Variants in CCDC174 observed in about 807,000 individuals in gnomAD.
CCDC174 encodes the protein coiled-coil domain containing 174.
A neutral mutation model predicts 57.1 loss-of-function variants in CCDC174; 37 were observed. The observed-to-expected ratio is 0.65, with a 90% CI of 0.50 to 0.85. The LOEUF (loss-of-function observed/expected upper bound fraction) is 0.85. CCDC174 is among the 40% of genes least tolerant of loss of function. CCDC174 has a pLI of 0.00. For synonymous variants in CCDC174, 182 were observed against 190.2 expected, an observed-to-expected ratio of 0.96 and a Z score of 0.35; for missense variants, 540 against 574.3, an observed-to-expected ratio of 0.94 and a Z score of 0.61.
At chr3:14,662,708 G>A (rs1047937096) in intron 5 of CCDC174, among the ~76,000 whole-genome samples, 2 of 152,142 alleles carry the variant, frequency 1.3e-5, no homozygotes, top group African/African-American at 4.8e-5. Context: ...CTTGTGGTGG[G>A]CATTTGTTAG....
rs2031380955 is a variant in CCDC174, at chr3:14,667,501, G to T, written c.802G>T (p.Glu268Ter). 1 of 1,613,572 alleles carries T rather than the reference G, an allele frequency of 6.2e-7. No individual in the cohort carries two copies. Among genetic ancestry groups the T allele is most frequent in the African/African-American group, 1.3e-5 (1 of 74,852 alleles). Reference protein sequence around the residue: ...ELRNKQMKTLEMLREQTTDQR... With the variant: ...ELRNKQMKTL ...GAGAAACAAGCAGATGAAAACCTTA[G>T]AGATGCTGCGTGAACAGGTACAGAT... The change falls in exon 8 of 11, where the codon GAG becomes TAG. Residue 268 changes from glutamate (E) to a stop codon, truncating the protein, a stop_gained. Transcript: ENST00000383794. LOFTEE classifies it high-confidence loss of function.
At chr3:14,667,317 G>A in intron 7 of CCDC174, 107 bp from the exon 8 acceptor site, 1 of 847,670 alleles carries the variant, frequency 1.2e-6, no homozygotes, top group East Asian at 2.5e-5. Context: ...TTTAAAACTT[G>A]TGCCAAATAT....
chr3:14,652,897 C>G (rs950195560), intron 1 of CCDC174, among the ~76,000 whole-genome samples: 9 of 127,138 alleles, frequency 7.1e-5, no homozygotes, highest in Non-Finnish European at 3.1e-5. Context: ...AGCGAAACTC[C>G]GTCTAAGGGG....
chr3:14,658,786 G>A, intron 3 of CCDC174, 85 bp from the exon 4 acceptor site: 1 of 1,397,214 alleles, frequency 7.2e-7, no homozygotes, highest in Non-Finnish European at 9.7e-7. Flanking sequence ...ATGGGCAGAT[G>A]GTACCTGTCA....
intron 7 of CCDC174, 115 bp downstream of exon 7, chr3:14,667,062 C>T (rs1430628256): frequency 6.7e-6 from 6 of 896,644 alleles, no homozygotes; most frequent in Non-Finnish European, 1.0e-5. Context: ...AAAGATCCTG[C>T]TTTGGAAATA....
intron 10 of CCDC174, among the ~76,000 whole-genome samples, chr3:14,670,631 C>T (rs2031478144): frequency 6.6e-6 from 1 of 152,210 alleles, no homozygotes; most frequent in Non-Finnish European, 1.5e-5. Context: ...CCTACAATGT[C>T]ATGTCAAGCA....
At chr3:14,654,990 G>C (rs762420496) in intron 2 of CCDC174, among the ~76,000 whole-genome samples, 1 of 152,208 alleles carries the variant, frequency 6.6e-6, no homozygotes, top group Non-Finnish European at 1.5e-5. Flanking sequence ...TCATTCAGGA[G>C]ATAAAAGATA....
At chr3:14,664,910 T>C in intron 5 of CCDC174, 118 bp from the exon 6 acceptor site, 3 of 729,986 alleles carry the variant, frequency 4.1e-6, no homozygotes, top group Admixed American at 2.1e-5. Flanking sequence ...TCTCTGAGGT[T>C]GGGGGCTCTT....
intron 5 of CCDC174, 68 bp from the exon 6 acceptor site, chr3:14,664,960 T>C: frequency 5.3e-6 from 6 of 1,134,238 alleles, no homozygotes; most frequent in Non-Finnish European, 8.1e-6. Flanking sequence ...ACTGTTCACC[T>C]ACTCCCTGAC....
At chr3:14,665,983 A>G (rs2031320993) in intron 6 of CCDC174, among the ~76,000 whole-genome samples, 1 of 147,964 alleles carries the variant, frequency 6.8e-6, no homozygotes, top group African/African-American at 2.5e-5. Context: ...GCCTGCAGTG[A>G]GCCAAGATGA....
At chr3:14,665,258 GATTGA>G (rs2031276759) in intron 6 of CCDC174, 135 bp downstream of exon 6, 3 of 682,248 alleles carry the variant, frequency 4.4e-6, no homozygotes, top group East Asian at 2.7e-5. Flanking sequence ...TTGATTGATT[GATTGA>G]AGCACTTTTT....
At chr3:14,655,426 A>G (rs1575067998) in intron 2 of CCDC174, 103 bp from the exon 3 acceptor site, 1 of 675,386 alleles carries the variant, frequency 1.5e-6, no homozygotes, top group East Asian at 2.7e-5. Context: ...CCATTGATTC[A>G]TAAGAACTCA....
intron 1 of CCDC174, 26 bp downstream of exon 1, chr3:14,651,904 A>G (rs2030780183): frequency 6.2e-7 from 1 of 1,611,354 alleles, no homozygotes; most frequent in East Asian, 2.2e-5. Context: ...AGGTAACTCC[A>G]CGGGCTCCGG....
chr3:14,653,603 T>A (rs1266762098), intron 1 of CCDC174, among the ~76,000 whole-genome samples: 1 of 152,344 alleles, frequency 6.6e-6, no homozygotes, highest in Non-Finnish European at 1.5e-5. Flanking sequence ...TGTTGTTATA[T>A]CCTTTTTTGC....
intron 3 of CCDC174, among the ~76,000 whole-genome samples, chr3:14,656,349 A>C (rs1009664023): frequency 5.3e-5 from 8 of 152,208 alleles, no homozygotes; most frequent in African/African-American, 7.2e-5. Flanking sequence ...AGTCTTCTTT[A>C]ATCTAGAACT....
chr3:14,664,109 T>A (rs73139859), intron 5 of CCDC174, among the ~76,000 whole-genome samples: 178 of 152,338 alleles, frequency 1.2e-3, no homozygotes, highest in African/African-American at 3.7e-3. Flanking sequence ...TTTCTTGTGA[T>A]AATCAGCTTC....
chr3:14,654,223 C>T (rs1575067499), intron 1 of CCDC174, among the ~76,000 whole-genome samples: 2 of 152,274 alleles, frequency 1.3e-5, no homozygotes, highest in East Asian at 1.9e-4. Context: ...GCATTTGCAG[C>T]AGAGGTAGAA....
Position 14,671,205 on chromosome 3 carries a change from C to T in CCDC174, c.*11C>T, listed in dbSNP as rs772280995. The T allele has an allele frequency of 1.9e-6, 3 of 1,598,280 alleles. No individual in the cohort carries two copies. The African/African-American group carries it at 4.0e-5, about 21-fold the overall frequency. ...AAACAAGTGACATGATCTTTCAAAG[C>T]ACGCTGACTTGGGTTTGTACTTTGA... On this transcript the variant is annotated 3_prime_UTR_variant, in exon 11 of 11. Coordinates refer to ENST00000383794, the MANE Select transcript of CCDC174 (RefSeq NM_016474.5).
chr3:14,667,882 T>C (rs1575073398), intron 8 of CCDC174, 167 bp from the exon 9 acceptor site: 2 of 643,382 alleles, frequency 3.1e-6, no homozygotes, highest in Non-Finnish European at 2.7e-6. Flanking sequence ...AGAGGGTTCA[T>C]AGGAGAGTAC....
Sources: gnomAD v4.1 joint callset for allele counts (sites outside exome capture counted in the v4.1 genomes callset) on GRCh38, gnomAD v4.1.1 for gene constraint, MANE v1.5 for transcripts, NCBI Gene and HGNC (gene_info 2026-07-23, HGNC 2026-07-21) for gene names.